SNCAIP: variants seen among roughly 807,000 people sequenced by gnomAD.
SNCAIP encodes the protein synuclein alpha interacting protein, also known as synphilin-1.
A neutral mutation model predicts 86.7 loss-of-function variants in SNCAIP; 43 were observed. That is an observed-to-expected ratio of 0.50 (90% CI 0.39 to 0.64). The LOEUF is 0.64. SNCAIP is among the 30% of genes least tolerant of loss of function. The probability of loss-of-function intolerance (pLI) is 0.00; values close to 1 mark genes in which losing one functional copy is unlikely to be tolerated. For missense variants in SNCAIP, 981 were observed against 1,103.1 expected (o/e 0.89, Z 1.57); for synonymous variants, 417 against 427.2 (o/e 0.98, Z 0.29).
At chr5:122,330,872 G>A (rs920526045) in intron 1 of SNCAIP, among the ~76,000 whole-genome samples, 6 of 151,778 alleles carry the variant, frequency 4.0e-5, no homozygotes, top group African/African-American at 1.5e-4. Flanking sequence ...TAGAGTCAGT[G>A]GAAGCCCTGA....
chr5:122,399,481 A>G (rs1032723989), intron 2 of SNCAIP, among the ~76,000 whole-genome samples: 1 of 152,200 alleles, frequency 6.6e-6, no homozygotes, highest in Non-Finnish European at 1.5e-5. Context: ...TAATATATTA[A>G]GAATTTTTAA....
intron 4 of SNCAIP, among the ~76,000 whole-genome samples, chr5:122,424,471 A>G (rs1185201373): frequency 6.6e-6 from 1 of 152,226 alleles, no homozygotes. Context: ...TGCTAATTAA[A>G]GTCTCATTCA....
intron 7 of SNCAIP, chr5:122,443,517 C>A: frequency 2.3e-6 from 1 of 440,574 alleles, no homozygotes; most frequent in South Asian, 1.6e-5. Context: ...TACTCCAAGC[C>A]TCTTTAAAAT....
intron 4 of SNCAIP, among the ~76,000 whole-genome samples, chr5:122,424,669 A>G (rs1777021798): frequency 6.6e-6 from 1 of 152,106 alleles, no homozygotes; most frequent in South Asian, 2.1e-4. Context: ...TCTTCCCCCT[A>G]ATTCTCTTTG....
In SNCAIP at chr5:122,451,168, C is replaced by A; in HGVS notation, c.2321C>A (p.Pro774His). 1.2e-6 allele frequency: 2 copies of A among 1,614,134 alleles called. No homozygotes were observed. Among genetic ancestry groups the A allele is most frequent in the Non-Finnish European group, 1.7e-6 (2 of 1,180,018 alleles). Residue 774 changes from proline (P) to histidine (H), a missense_variant, in exon 10 of 11, where the codon CCC (proline) becomes CAC (histidine). Transcript: ENST00000261368. ...PGSGSIPPNQ[P>H]SGDPQQPSPD... ...TCAGGGAGTATTCCTCCAAACCAGC[C>A]CTCTGGTGACCCTCAGCAGCCCAGC...
At chr5:122,448,671 T>A (rs952176349) in intron 8 of SNCAIP, among the ~76,000 whole-genome samples, 1 of 96,164 alleles carries the variant, frequency 1.0e-5, no homozygotes, top group Non-Finnish European at 2.4e-5. Flanking sequence ...TTATATATAT[T>A]ATATATGTTA....
intron 1 of SNCAIP, among the ~76,000 whole-genome samples, chr5:122,370,496 T>C (rs996647658): frequency 6.6e-6 from 1 of 152,156 alleles, no homozygotes; most frequent in Admixed American, 6.6e-5. Context: ...CTGTGTACCA[T>C]CCTTAGAATC....
At chr5:122,354,694 G>A (rs1760653636) in intron 1 of SNCAIP, among the ~76,000 whole-genome samples, 1 of 152,140 alleles carries the variant, frequency 6.6e-6, no homozygotes, top group Admixed American at 6.5e-5. Context: ...CAGCCTAGTA[G>A]GAGTTTAAAC....
intron 2 of SNCAIP, among the ~76,000 whole-genome samples, chr5:122,393,679 A>G (rs995236495): frequency 2.0e-5 from 3 of 152,276 alleles, no homozygotes; most frequent in Non-Finnish European, 2.9e-5. Flanking sequence ...GCACAGCACA[A>G]TCCCCTACAA....
At chr5:122,368,951 A>G (rs1424290923) in intron 1 of SNCAIP, among the ~76,000 whole-genome samples, 1 of 152,146 alleles carries the variant, frequency 6.6e-6, no homozygotes, top group African/African-American at 2.4e-5. Flanking sequence ...TCCTATATAA[A>G]AATGCACATA....
chr5:122,416,036 G>T (rs538174358), intron 3 of SNCAIP, among the ~76,000 whole-genome samples: 1 of 152,310 alleles, frequency 6.6e-6, no homozygotes, highest in Non-Finnish European at 1.5e-5. Context: ...AAGCCCAAAG[G>T]TTTAAAGTTG....
chr5:122,349,280 C>G (rs1282000943), intron 1 of SNCAIP, among the ~76,000 whole-genome samples: 1 of 152,100 alleles, frequency 6.6e-6, no homozygotes, highest in Non-Finnish European at 1.5e-5. Context: ...ATGCCCAGTT[C>G]CCACCCCAGA....
chr5:122,317,779 A>G (rs56195139), intron 1 of SNCAIP, among the ~76,000 whole-genome samples: 2,096 of 152,258 alleles, frequency 0.014, 49 homozygotes, highest in African/African-American at 0.048. Context: ...CCTGACAGGC[A>G]TATCATCCTC....
intron 2 of SNCAIP, chr5:122,401,193 G>A (rs1771740303): frequency 1.4e-6 from 2 of 1,439,712 alleles, no homozygotes; most frequent in Non-Finnish European, 9.3e-7. Flanking sequence ...TGAAGGCCTG[G>A]GAAGCCTTCC....
intron 1 of SNCAIP, among the ~76,000 whole-genome samples, chr5:122,340,900 T>C (rs1239830306): frequency 1.3e-5 from 2 of 152,250 alleles, no homozygotes; most frequent in African/African-American, 4.8e-5. Context: ...ATTTTCAGGC[T>C]ACTTTCATGA....
chr5:122,391,263 T>G, intron 2 of SNCAIP, 72 bp downstream of exon 2: 1 of 1,034,362 alleles, frequency 9.7e-7, no homozygotes, highest in South Asian at 1.3e-5. Flanking sequence ...CTTTCTCCAT[T>G]ATAGTCTATA....
chr5:122,339,752 A>G lies in SNCAIP; in HGVS notation c.-47+27468A>G, dbSNP rs182886064. 3.3e-5 allele frequency among the ~76,000 whole-genome samples: 5 copies of G among 152,322 alleles called. No individual in the cohort carries two copies. The East Asian group carries it at 9.6e-4, about 29-fold the overall frequency. ...ATGGAACGCAAGCTGCTCGGCTATG[A>G]AGGGTCTCTTGTGATTTCTCAAGTT... is the stretch of plus-strand genomic sequence containing the variant. On this transcript the variant is annotated intron_variant, in intron 1 of 10. Coordinates refer to ENST00000261368, the MANE Select transcript of SNCAIP (RefSeq NM_005460.4).
chr5:122,394,083 AT>A (rs904359600), intron 2 of SNCAIP, among the ~76,000 whole-genome samples: 1 of 151,194 alleles, frequency 6.6e-6, no homozygotes, highest in Non-Finnish European at 1.5e-5. Context: ...TGAACATGCA[AT>A]TTTCTTTTTT....
At chr5:122,405,922 G>C (rs1741805740) in intron 3 of SNCAIP, among the ~76,000 whole-genome samples, 2 of 152,126 alleles carry the variant, frequency 1.3e-5, no homozygotes. Flanking sequence ...AGAAGCTTTT[G>C]AACTTTACTC....
Sources: allele counts gnomAD v4.1 joint callset (sites outside exome capture counted in the v4.1 genomes callset), GRCh38; gene constraint gnomAD v4.1.1; transcripts MANE v1.5; gene names NCBI Gene and HGNC (gene_info 2026-07-23, HGNC 2026-07-21).